Variants in CACNB4 observed in about 807,000 individuals in gnomAD.
The protein encoded by CACNB4 is calcium voltage-gated channel auxiliary subunit beta 4.
In CACNB4, 32 loss-of-function variants were observed where a neutral mutation model predicts 71.2. That is an observed-to-expected ratio of 0.45 (90% confidence interval 0.34 to 0.60). The LOEUF (loss-of-function observed/expected upper bound fraction) is 0.60, where lower values mean the gene tolerates loss of function less well. Among genes scored for constraint, CACNB4 ranks in the 20% least tolerant of loss-of-function variants. CACNB4 has a pLI of 0.01. For synonymous variants in CACNB4, 231 were observed against 236.9 expected, an observed-to-expected ratio of 0.97 and a Z score of 0.23; for missense variants, 464 against 647.9, an observed-to-expected ratio of 0.72 and a Z score of 3.08.
At chr2:152,000,100 C>G (rs1682313838) in intron 2 of CACNB4, among the ~76,000 whole-genome samples, 1 of 152,164 alleles carries the variant, frequency 6.6e-6, no homozygotes, top group African/African-American at 2.4e-5. Context: ...TTTTATTGAT[C>G]CTGAATTTTC....
intron 2 of CACNB4, among the ~76,000 whole-genome samples, chr2:152,061,732 C>T (rs1000739423): frequency 2.6e-4 from 40 of 151,878 alleles, no homozygotes; most frequent in African/African-American, 9.7e-4. Flanking sequence ...TGATTAGGGG[C>T]CAGGTGCAGT....
chr2:151,983,307 T>A (rs890945553), intron 2 of CACNB4, among the ~76,000 whole-genome samples: 1 of 152,204 alleles, frequency 6.6e-6, no homozygotes, highest in Non-Finnish European at 1.5e-5. Context: ...AAGTAATTCC[T>A]CATGAAGATT....
At chr2:151,882,742 T>G (rs897196710) in intron 3 of CACNB4, among the ~76,000 whole-genome samples, 11 of 152,360 alleles carry the variant, frequency 7.2e-5, no homozygotes, top group African/African-American at 2.6e-4. Flanking sequence ...AGGTCTATTT[T>G]GGCAATGGCC....
chr2:151,933,888 C>A (rs999093491), intron 2 of CACNB4, among the ~76,000 whole-genome samples: 2 of 152,176 alleles, frequency 1.3e-5, no homozygotes, highest in Non-Finnish European at 2.9e-5. Flanking sequence ...TTTCAGTGAT[C>A]AAATTCATTA....
chr2:152,083,092 T>TG (rs1687449935), intron 2 of CACNB4, among the ~76,000 whole-genome samples: 1 of 152,188 alleles, frequency 6.6e-6, no homozygotes, highest in South Asian at 2.1e-4. Context: ...TCAGCCACTG[T>TG]GGGGCTGACC....
rs562706393 is a variant in CACNB4 at position 151,895,918 on chromosome 2, C to T, written c.148-12548G>A. On this transcript the variant is annotated intron_variant, in intron 2 of 13. Transcript: ENST00000539935. ...GAGCGCAAATGGGGCAATCTCAGCTCACATGCTCCTCTGCCTCCTGGGTTC... is the reference window on the plus strand; with the variant it reads ...GAGCGCAAATGGGGCAATCTCAGCTTACATGCTCCTCTGCCTCCTGGGTTC... Among the ~76,000 whole-genome samples the T allele has an allele frequency of 3.3e-5, 5 of 150,952 alleles. No homozygotes were observed. In the South Asian group the frequency reaches 1.0e-3, roughly 32 times the overall value.
chr2:151,915,126 A>G (rs1190802231), intron 2 of CACNB4, among the ~76,000 whole-genome samples: 2 of 152,142 alleles, frequency 1.3e-5, no homozygotes, highest in African/African-American at 4.8e-5. Context: ...ACCTCCCCCT[A>G]GAGGCTCAGG....
intron 2 of CACNB4, among the ~76,000 whole-genome samples, chr2:151,941,275 A>ATTTTTTTTTTTTTTTTTTTTTTTT (rs11346045): frequency 8.9e-6 from 1 of 112,304 alleles, no homozygotes; most frequent in Non-Finnish European, 1.8e-5. Flanking sequence ...AAAATGGTTA[A>ATTTTTTTTTTTTTTTTTTTTTTTT]TTTTTTTTTT....
chr2:152,036,802 T>G (rs947890796), intron 2 of CACNB4, among the ~76,000 whole-genome samples: 1 of 152,170 alleles, frequency 6.6e-6, no homozygotes, highest in Admixed American at 6.5e-5. Flanking sequence ...CCTTGGACCA[T>G]GGCTGGAGGA....
intron 2 of CACNB4, among the ~76,000 whole-genome samples, chr2:151,921,132 G>A (rs980230520): frequency 8.3e-5 from 12 of 144,700 alleles, no homozygotes; most frequent in Non-Finnish European, 1.2e-4. Flanking sequence ...GCAAGACTCC[G>A]TCTCAAAAAT....
intron 2 of CACNB4, among the ~76,000 whole-genome samples, chr2:151,993,695 G>T (rs1295707945): frequency 6.6e-6 from 1 of 151,762 alleles, no homozygotes; most frequent in African/African-American, 2.4e-5. Context: ...CTCCCGAGTA[G>T]CTGGGAGTAC....
At chr2:152,080,305 TAGAGAC>T (rs1334869985) in intron 2 of CACNB4, among the ~76,000 whole-genome samples, 1 of 152,066 alleles carries the variant, frequency 6.6e-6, no homozygotes, top group Non-Finnish European at 1.5e-5. Context: ...GCATTTTTAG[TAGAGAC>T]AGGGTTTCAC....
chr2:151,901,410 G>C (rs1003444161), intron 2 of CACNB4, among the ~76,000 whole-genome samples: 1 of 152,162 alleles, frequency 6.6e-6, no homozygotes, highest in Non-Finnish European at 1.5e-5. Flanking sequence ...TGTAGTAGAG[G>C]TGGGGAGGTT....
intron 2 of CACNB4, among the ~76,000 whole-genome samples, chr2:151,995,733 G>A (rs867576694): frequency 6.6e-6 from 1 of 152,200 alleles, no homozygotes; most frequent in Non-Finnish European, 1.5e-5. Flanking sequence ...ATAAAATAAA[G>A]TCTGTCATTT....
At chr2:151,886,679 T>C (rs1186262201) in intron 2 of CACNB4, among the ~76,000 whole-genome samples, 1 of 152,196 alleles carries the variant, frequency 6.6e-6, no homozygotes, top group Non-Finnish European at 1.5e-5. Context: ...CAACATTTAC[T>C]TTGTTGTTGT....
intron 2 of CACNB4, among the ~76,000 whole-genome samples, chr2:152,065,032 T>TCACCTTTCCATG (rs1192840133): frequency 6.6e-6 from 1 of 152,206 alleles, no homozygotes; most frequent in Admixed American, 6.5e-5. Context: ...TGATTCTTAT[T>TCACCTTTCCATG]CACCTTTCCA....
Position 152,055,783 on chromosome 2 carries a change from G to A in CACNB4, c.147+42547C>T, listed in dbSNP as rs114201583. ...ATTGCCAAGACAAATAACTTTTTTC[G>A]GAGGAACTCTAACCTCTGAAATTTT... is the stretch of plus-strand genomic sequence containing the variant. On this transcript the variant is annotated intron_variant, in intron 2 of 13. Transcript: ENST00000539935. 5.8e-3 allele frequency among the ~76,000 whole-genome samples: 884 copies of A among 152,112 alleles called. 7 individuals are homozygous for A. Among genetic ancestry groups the A allele is most frequent in the African/African-American group, 6.9e-3 (287 of 41,474 alleles).
intron 2 of CACNB4, among the ~76,000 whole-genome samples, chr2:151,988,907 T>A (rs80091959): frequency 0.011 from 1,648 of 152,284 alleles, 25 homozygotes; most frequent in African/African-American, 0.038. Flanking sequence ...ATATCTATTA[T>A]GAGTTTTTTC....
chr2:151,879,973 G>A (rs1312397307), intron 4 of CACNB4: 1 of 152,112 alleles, frequency 6.6e-6, no homozygotes, highest in Non-Finnish European at 1.5e-5. Flanking sequence ...TATGGCTTGG[G>A]CATTTTTGAT....
Sources: allele counts gnomAD v4.1 joint callset (sites outside exome capture counted in the v4.1 genomes callset), GRCh38; gene constraint gnomAD v4.1.1; transcripts MANE v1.5; gene names NCBI Gene and HGNC (gene_info 2026-07-23, HGNC 2026-07-21).